NCALD: variants seen among roughly 807,000 people sequenced by gnomAD.
The protein encoded by NCALD is neurocalcin-delta.
A neutral mutation model predicts 18.6 loss-of-function variants in NCALD; 10 were observed. The observed-to-expected ratio is 0.54, with a 90% confidence interval of 0.33 to 0.91. The LOEUF is 0.91. Ranked by LOEUF, NCALD falls within the 40% of genes least tolerant of loss-of-function variation. NCALD has a pLI of 0.03. For missense variants in NCALD, 184 were observed against 247.6 expected (o/e 0.74, Z 1.72); for synonymous variants, 88 against 87.4 (o/e 1.01, Z -0.04).
intron 2 of NCALD, among the ~76,000 whole-genome samples, chr8:101,944,215 G>T (rs1372526489): frequency 3.3e-5 from 5 of 152,128 alleles, no homozygotes; most frequent in Admixed American, 2.0e-4. Context: ...GAGAGTCTTT[G>T]TCACGGGCAA....
At chr8:101,904,412 C>G (rs1372572110) in intron 3 of NCALD, among the ~76,000 whole-genome samples, 1 of 152,084 alleles carries the variant, frequency 6.6e-6, no homozygotes, top group Non-Finnish European at 1.5e-5. Flanking sequence ...CTTTTCCCAT[C>G]TCCCCACTTC....
chr8:101,924,750 A>G (rs1195686506), intron 2 of NCALD, among the ~76,000 whole-genome samples: 2 of 152,224 alleles, frequency 1.3e-5, no homozygotes, highest in Non-Finnish European at 2.9e-5. Flanking sequence ...TGCAATCCAC[A>G]CTGCTCCATT....
At chr8:101,949,281 G>A (rs770887441) in intron 2 of NCALD, among the ~76,000 whole-genome samples, 1 of 152,216 alleles carries the variant, frequency 6.6e-6, no homozygotes, top group South Asian at 2.1e-4. Context: ...AGGTCATGCA[G>A]AATGTAAGAC....
chr8:102,014,002 T>C (rs1043341196), intron 2 of NCALD, among the ~76,000 whole-genome samples: 2 of 152,184 alleles, frequency 1.3e-5, no homozygotes, highest in African/African-American at 2.4e-5. Flanking sequence ...AATGGGTCCT[T>C]GCTATGACCC....
At chr8:102,022,440 CTTGCAGTTCTTGGAAATGGTTCAGA>C in intron 1 of NCALD, among the ~76,000 whole-genome samples, 1 of 152,326 alleles carries the variant, frequency 6.6e-6, no homozygotes, top group African/African-American at 2.4e-5. Context: ...ACTGCACTCT[CTTGCAGTTCTTGGAAATGGTTCAGA>C]TTGAGAACAC....
At chr8:101,998,256 T>G (rs1414791017) in intron 2 of NCALD, among the ~76,000 whole-genome samples, 1 of 152,218 alleles carries the variant, frequency 6.6e-6, no homozygotes, top group African/African-American at 2.4e-5. Flanking sequence ...AAAAGATGGA[T>G]TTACTCGTTA....
Position 101,995,430 on chromosome 8 carries a change from C to T in NCALD, c.-157+24807G>A, listed in dbSNP as rs141529933. ...TAAGAAAAGAGATTTAATTGGCTCA[C>T]GGTTCTGCAGGCTGTATAGGAAGCA... On this transcript the variant is annotated intron_variant, in intron 2 of 6. Transcript: ENST00000311028. Among the ~76,000 whole-genome samples the T allele has an allele frequency of 7.8e-3, 1,189 of 152,216 alleles. 14 individuals carry two copies. Among genetic ancestry groups the T allele is most frequent in the African/African-American group, 0.023 (950 of 41,506 alleles).
At chr8:101,913,588 T>C (rs900317838) in intron 3 of NCALD, among the ~76,000 whole-genome samples, 1 of 152,222 alleles carries the variant, frequency 6.6e-6, no homozygotes, top group African/African-American at 2.4e-5. Flanking sequence ...ACTGTTTTGT[T>C]TTGCTTGTTT....
Position 102,050,168 on chromosome 8 carries a change from CAAAAAAAAA to C in NCALD, c.-209-29888_-209-29880del, listed in dbSNP as rs71268541. On this transcript the variant is annotated intron_variant, in intron 1 of 6. Coordinates refer to the NCALD transcript ENST00000311028. Reference sequence around the variant, plus strand: ...TGGGCGACAGAGCGAGACTCCGTCTCAAAAAAAAAAAAAAAAAAAAAAAAAAATTGAGCT... The same window carrying C: ...TGGGCGACAGAGCGAGACTCCGTCTCAAAAAAAAAAAAAAAAAATTGAGCT... Among the ~76,000 whole-genome samples the C allele has an allele frequency of 2.2e-4, 10 of 44,682 alleles. 1 individual carries two copies. The highest frequency in any genetic ancestry group is 9.7e-4 in the East Asian group (1 of 1,026). 29.3% of individuals were successfully genotyped at this position (44,682 alleles called of 152,430 possible). A position where few individuals can be genotyped will look rare whatever the true frequency, so the allele number is the denominator to read the frequency against.
intron 2 of NCALD, among the ~76,000 whole-genome samples, chr8:101,939,187 C>T (rs903635254): frequency 2.0e-4 from 30 of 152,286 alleles, no homozygotes; most frequent in African/African-American, 6.5e-4. Flanking sequence ...AGGAATTGCA[C>T]TGATAGTATA....
At chr8:101,986,874 T>TGAGC in intron 2 of NCALD, among the ~76,000 whole-genome samples, 2 of 147,714 alleles carry the variant, frequency 1.4e-5, no homozygotes, top group South Asian at 4.4e-4. Flanking sequence ...ATTTTGAGCT[T>TGAGC]GAGCCAGCCA....
intron 4 of NCALD, among the ~76,000 whole-genome samples, chr8:101,834,012 T>C (rs988058758): frequency 1.3e-5 from 2 of 152,204 alleles, no homozygotes; most frequent in Non-Finnish European, 1.5e-5. Context: ...ATCATTGTTT[T>C]ATAATAGCCC....
intron 1 of NCALD, among the ~76,000 whole-genome samples, chr8:102,062,956 T>C (rs1823894200): frequency 6.6e-6 from 1 of 152,160 alleles, no homozygotes; most frequent in Admixed American, 6.5e-5. Context: ...AATAAGGTAC[T>C]TTCCTTTTAA....
At chr8:102,102,892 T>C (rs773012033) in intron 1 of NCALD, among the ~76,000 whole-genome samples, 1 of 152,178 alleles carries the variant, frequency 6.6e-6, no homozygotes, top group African/African-American at 2.4e-5. Flanking sequence ...TCCTCAGCTC[T>C]GCACATGCAG....
intron 3 of NCALD, chr8:101,691,364 A>C (rs889735308): frequency 1.0e-6 from 1 of 985,420 alleles, no homozygotes; most frequent in African/African-American, 1.7e-5. Context: ...ATGCTAACTC[A>C]GTCAGGGCTC....
chr8:101,720,842 T>C (rs1407767728), intron 1 of NCALD, among the ~76,000 whole-genome samples: 2 of 152,250 alleles, frequency 1.3e-5, no homozygotes, highest in Non-Finnish European at 2.9e-5. Context: ...GGCTCTCAAT[T>C]ACCAGTGTGT....
At chr8:101,962,026 A>G (rs1211066356) in intron 2 of NCALD, among the ~76,000 whole-genome samples, 1 of 152,202 alleles carries the variant, frequency 6.6e-6, no homozygotes, top group Non-Finnish European at 1.5e-5. Context: ...GTTTATCTCA[A>G]AAGAGAGAGT....
chr8:102,089,431 A>G (rs1824852566), intron 1 of NCALD, among the ~76,000 whole-genome samples: 1 of 151,888 alleles, frequency 6.6e-6, no homozygotes, highest in African/African-American at 2.4e-5. Context: ...AAGAAAAGAA[A>G]CTGGCAAATG....
intron 1 of NCALD, among the ~76,000 whole-genome samples, chr8:101,726,804 G>C (rs976734650): frequency 6.6e-6 from 1 of 152,092 alleles, no homozygotes; most frequent in Non-Finnish European, 1.5e-5. Context: ...AGTGCACCAG[G>C]GACGTGAATG....
Sources: gnomAD v4.1 joint callset for allele counts (sites outside exome capture counted in the v4.1 genomes callset) on GRCh38, gnomAD v4.1.1 for gene constraint, MANE v1.5 for transcripts, NCBI Gene and HGNC (gene_info 2026-07-23, HGNC 2026-07-21) for gene names.